Variants in ADGRA2 observed in about 807,000 individuals in gnomAD.
ADGRA2 encodes G-protein coupled receptor 124.
In ADGRA2, 61 loss-of-function variants were observed where a neutral mutation model predicts 98.7. The ratio of observed to expected loss-of-function variants is 0.62; its 90% CI spans 0.50 to 0.76. The LOEUF (loss-of-function observed/expected upper bound fraction) is 0.76. Among genes scored for constraint, ADGRA2 ranks in the 30% least tolerant of loss-of-function variants. The pLI is 0.00. For synonymous variants in ADGRA2, 858 were observed against 831.5 expected (o/e 1.03, Z -0.55); for missense variants, 1,712 against 1,860.0 (o/e 0.92, Z 1.46).
chr8:37,823,083 G>A (rs1180710815), intron 2 of ADGRA2, among the ~76,000 whole-genome samples: 2 of 151,780 alleles, frequency 1.3e-5, no homozygotes, highest in African/African-American at 4.8e-5. Flanking sequence ...AGTAGTGACG[G>A]GGTTTCACCA....
intron 2 of ADGRA2, among the ~76,000 whole-genome samples, chr8:37,818,540 T>C (rs949398483): frequency 6.6e-6 from 1 of 152,232 alleles, no homozygotes; most frequent in Non-Finnish European, 1.5e-5. Context: ...AGTCGTGCGA[T>C]GTAGGAGCAG....
At chr8:37,808,073 T>C (rs1451972746) in intron 1 of ADGRA2, among the ~76,000 whole-genome samples, 1 of 152,112 alleles carries the variant, frequency 6.6e-6, no homozygotes, top group Non-Finnish European at 1.5e-5. Flanking sequence ...GGAACTCTGC[T>C]TGCTTCTCTC....
Position 37,797,977 on chromosome 8 carries a change from G to A in ADGRA2, c.266+443G>A, listed in dbSNP as rs1183877972. 3.3e-5 allele frequency among the ~76,000 whole-genome samples: 5 copies of A among 152,230 alleles called. No homozygotes were observed. The highest frequency in any genetic ancestry group is 3.3e-4 in the Admixed American group (5 of 15,288). On this transcript the variant is annotated intron_variant, in intron 1 of 18. Transcript: ENST00000412232. The surrounding 1 kb of genome is among the most constrained non-coding windows in gnomAD (Gnocchi z 5.3). The stretch of plus-strand genomic sequence containing the variant: ...CGGTCGCGTCCCGGACTGGGCTGGA[G>A]GAGTCTCCGGATTTACCTGGCTGGC...
At chr8:37,808,142 T>C (rs952283015) in intron 1 of ADGRA2, among the ~76,000 whole-genome samples, 2 of 152,134 alleles carry the variant, frequency 1.3e-5, no homozygotes, top group African/African-American at 4.8e-5. Flanking sequence ...GTGCCCCCTC[T>C]CTCTGGCCAG....
In ADGRA2 at chr8:37,844,438, G is replaced by A. The variant is rs539935588; in HGVS notation, c.*2083G>A. ...TACACTTCCATCCTTGGTTATAACA[G>A]GAATGTTATCAAGCTGTCAGAACAG... On this transcript the variant is annotated 3_prime_UTR_variant, in exon 19 of 19. Coordinates refer to ENST00000412232, the MANE Select transcript of ADGRA2 (RefSeq NM_032777.10). 1 of 1,582,996 alleles carries A rather than the reference G, an allele frequency of 6.3e-7. No individual in the cohort carries two copies. Among genetic ancestry groups the A allele is most frequent in the East Asian group, 2.2e-5 (1 of 44,546 alleles).
intron 2 of ADGRA2, among the ~76,000 whole-genome samples, chr8:37,826,428 C>T (rs1387306330): frequency 6.6e-6 from 1 of 152,154 alleles, no homozygotes; most frequent in Non-Finnish European, 1.5e-5. Flanking sequence ...AGTGTCCTGG[C>T]ACGGTCCCTG....
rs1283177646 is a variant in ADGRA2, at chr8:37,843,495, C to G, written c.*1140C>G. ...CCTTTACTCCTTTTAAACACCAGCA[C>G]CCGTCTTTTCCCCAACCTAAAACCA... On this transcript the variant is annotated 3_prime_UTR_variant, in exon 19 of 19. Transcript: ENST00000412232. The G allele has an allele frequency of 2.0e-5, 3 of 152,240 alleles. No homozygotes were observed. Among genetic ancestry groups the G allele is most frequent in the Non-Finnish European group, 4.4e-5 (3 of 68,066 alleles). The allele number at this position is 152,240 out of a possible 1,614,324, so 9.4% of individuals were successfully genotyped here.
chr8:37,811,509 T>C (rs1293349372), intron 1 of ADGRA2, among the ~76,000 whole-genome samples: 2 of 141,656 alleles, frequency 1.4e-5, no homozygotes, highest in Non-Finnish European at 1.5e-5. Flanking sequence ...AGAGTTTTTC[T>C]CTTGTTGCCC....
intron 1 of ADGRA2, among the ~76,000 whole-genome samples, chr8:37,811,119 CAA>C (rs1158782949): frequency 0.3 from 20,741 of 68,610 alleles, 1,573 homozygotes; most frequent in Middle Eastern, 0.38. Context: ...GTCTCAAAAA[CAA>C]AAAAAAAAAA....
chr8:37,825,754 C>T (rs73673887), intron 2 of ADGRA2, among the ~76,000 whole-genome samples: 2,148 of 152,320 alleles, frequency 0.014, 65 homozygotes, highest in African/African-American at 0.049. Flanking sequence ...TCTCCCGCCC[C>T]GAGGGAGGAC....
intron 1 of ADGRA2, among the ~76,000 whole-genome samples, chr8:37,809,488 A>G (rs1401551145): frequency 6.6e-6 from 1 of 152,156 alleles, no homozygotes; most frequent in East Asian, 1.9e-4. Flanking sequence ...TGTTAAGGCC[A>G]AAAGATCCAA....
chr8:37,839,333 C>T, intron 15 of ADGRA2, 166 bp from the exon 16 acceptor site: 6 of 863,620 alleles, frequency 6.9e-6, no homozygotes, highest in Non-Finnish European at 8.3e-6. Flanking sequence ...GGGTTGGAAT[C>T]ACTTTGAGGG....
chr8:37,827,019 G>T lies in ADGRA2; in HGVS notation c.339-1869G>T, dbSNP rs75975423. 5.6e-3 allele frequency among the ~76,000 whole-genome samples: 850 copies of T among 152,240 alleles called. 6 individuals are homozygous for T. Among genetic ancestry groups the T allele is most frequent in the African/African-American group, 0.02 (824 of 41,538 alleles). On this transcript the variant is annotated intron_variant, in intron 2 of 18. Coordinates refer to ENST00000412232, the MANE Select transcript of ADGRA2 (RefSeq NM_032777.10). ...CTTCAGACAGGGGGCCCCCACCCTTGCCTGCTCCAGGGGTCCACCCACCCT... is the reference window on the plus strand; with the variant it reads ...CTTCAGACAGGGGGCCCCCACCCTTTCCTGCTCCAGGGGTCCACCCACCCT...
chr8:37,808,557 G>GCT (rs1488834020), intron 1 of ADGRA2, among the ~76,000 whole-genome samples: 1 of 135,036 alleles, frequency 7.4e-6, no homozygotes, highest in Admixed American at 7.1e-5. Flanking sequence ...ATTGGATGAA[G>GCT]CTGTGTGTGT....
chr8:37,806,848 G>A lies in ADGRA2; in HGVS notation c.267-8048G>A, dbSNP rs181806029. On this transcript the variant is annotated intron_variant, in intron 1 of 18. Transcript: ENST00000412232. Reference sequence around the variant, plus strand: ...CCCGGCATGTAGCCCATTTTCTTAGGCTTCTGTCTCCAGATTCTGTCCCAA... The same window carrying A: ...CCCGGCATGTAGCCCATTTTCTTAGACTTCTGTCTCCAGATTCTGTCCCAA... 1.3e-3 allele frequency among the ~76,000 whole-genome samples: 200 copies of A among 152,142 alleles called. 1 individual carries two copies. Among genetic ancestry groups the A allele is most frequent in the Middle Eastern group, 3.4e-3 (1 of 294 alleles).
At position 37,829,891 on chromosome 8, in the gene ADGRA2, C is replaced by T. The variant is rs374752785; in HGVS notation, c.595C>T (p.Arg199Cys). The change falls in exon 6 of 19, where the codon CGC becomes TGC. Residue 199 changes from arginine (R) to cysteine (C), a missense_variant. Coordinates refer to ENST00000412232, the MANE Select transcript of ADGRA2 (RefSeq NM_032777.10). ...GTTCCTGACCTGTGACTGCCACCTG[C>T]GCTGGCTGCTGCCCTGGGCCCAGAA... ...TEFLTCDCHL[R>C]WLLPWAQNRS... 15 of 1,612,890 alleles carry T rather than the reference C, an allele frequency of 9.3e-6. No individual in the cohort carries two copies. Among genetic ancestry groups the T allele is most frequent in the Non-Finnish European group, 1.1e-5 (13 of 1,179,918 alleles).
chr8:37,828,950 T>G lies in ADGRA2; in HGVS notation c.401T>G (p.Leu134Arg). The G allele has an allele frequency of 6.4e-7, 1 of 1,574,454 alleles. No homozygotes were observed. The highest frequency in any genetic ancestry group is 8.6e-7 in the Non-Finnish European group (1 of 1,163,644). Residue 134 changes from leucine to arginine, a missense_variant, in exon 3 of 19, where the codon CTG (leucine) becomes CGG (arginine). Coordinates refer to ENST00000412232, the MANE Select transcript of ADGRA2 (RefSeq NM_032777.10). ...GGCGCCTTCCTGGGCCTGGGGGAGC[T>G]GAAGCGTTTGTGAGTGGCACGCCCT... ...QPGAFLGLGE[L>R]KRLDLSNNRI...
In ADGRA2 at chr8:37,814,233, G is replaced by A. The variant is rs1804918148; in HGVS notation, c.267-663G>A. Among the ~76,000 whole-genome samples the A allele has an allele frequency of 6.6e-6, 1 of 152,062 alleles. No homozygotes were observed. The highest frequency in any genetic ancestry group is 2.4e-5 in the African/African-American group (1 of 41,386). ...CTTTCCTCCTCCCCTAAATACAAACGAATAAATAAACAGAACCCCGAGGCG... is the reference window on the plus strand; with the variant it reads ...CTTTCCTCCTCCCCTAAATACAAACAAATAAATAAACAGAACCCCGAGGCG... On this transcript the variant is annotated intron_variant, in intron 1 of 18. Coordinates refer to ENST00000412232, the MANE Select transcript of ADGRA2 (RefSeq NM_032777.10). The surrounding 1 kb of genome is among the most constrained non-coding windows in gnomAD (Gnocchi z 4.3).
intron 2 of ADGRA2, among the ~76,000 whole-genome samples, chr8:37,821,646 T>A (rs1372738888): frequency 1.3e-5 from 2 of 152,192 alleles, no homozygotes; most frequent in African/African-American, 4.8e-5. Flanking sequence ...GGAGCGAGAC[T>A]GCGTGCCTGC....
Sources: gnomAD v4.1 joint callset for allele counts (sites outside exome capture counted in the v4.1 genomes callset) on GRCh38, gnomAD v4.1.1 for gene constraint, Gnocchi (gnomAD v3.1) non-coding constraint, MANE v1.5 for transcripts, NCBI Gene and HGNC (gene_info 2026-07-23, HGNC 2026-07-21) for gene names.